Variants in ADCY5 observed in about 807,000 individuals in gnomAD.
The protein encoded by ADCY5 is adenylate cyclase type 5.
In ADCY5, 30 loss-of-function variants were observed where a neutral mutation model predicts 119.7. The observed-to-expected ratio is 0.25, with a 90% confidence interval of 0.19 to 0.34. The LOEUF is 0.34. ADCY5 is among the 10% of genes least tolerant of loss of function. The pLI is 1.00. For missense variants in ADCY5, 1,324 were observed against 1,775.2 expected, an observed-to-expected ratio of 0.75 and a Z score of 4.57; for synonymous variants, 753 against 762.2, an observed-to-expected ratio of 0.99 and a Z score of 0.20.
At chr3:123,344,319 T>A (rs533657504) in intron 3 of ADCY5, among the ~76,000 whole-genome samples, 1 of 152,192 alleles carries the variant, frequency 6.6e-6, no homozygotes, top group Non-Finnish European at 1.5e-5. Flanking sequence ...TCACCCTCCA[T>A]TCGCCAACTA....
At chr3:123,433,207 G>A (rs1263898216) in intron 1 of ADCY5, among the ~76,000 whole-genome samples, 2 of 152,230 alleles carry the variant, frequency 1.3e-5, no homozygotes, top group Non-Finnish European at 1.5e-5. Context: ...ACAAAGGCAG[G>A]CAGGGCCCCA....
At chr3:123,430,963 C>T (rs1559876590) in intron 1 of ADCY5, among the ~76,000 whole-genome samples, 1 of 152,154 alleles carries the variant, frequency 6.6e-6, no homozygotes, top group Non-Finnish European at 1.5e-5. Flanking sequence ...GGGTACAAGC[C>T]CCATCCTTTC....
intron 1 of ADCY5, among the ~76,000 whole-genome samples, chr3:123,430,390 T>C (rs1367784354): frequency 6.6e-6 from 1 of 151,950 alleles, no homozygotes; most frequent in East Asian, 1.9e-4. Flanking sequence ...CACCCCAGGA[T>C]GGAAGCAGAG....
chr3:123,436,830 GGCC>G (rs1482831248), intron 1 of ADCY5, among the ~76,000 whole-genome samples: 41 of 152,276 alleles, frequency 2.7e-4, no homozygotes, highest in African/African-American at 9.1e-4. Flanking sequence ...GGAAGAGAGA[GGCC>G]CAAGGCAGGG....
chr3:123,444,704 A>C (rs561757820), intron 1 of ADCY5, among the ~76,000 whole-genome samples: 1 of 152,210 alleles, frequency 6.6e-6, no homozygotes, highest in African/African-American at 2.4e-5. Flanking sequence ...GATGTTGAGG[A>C]CCTGAGTAAA....
intron 1 of ADCY5, among the ~76,000 whole-genome samples, chr3:123,383,949 G>A (rs1458605643): frequency 6.1e-5 from 8 of 131,770 alleles, no homozygotes; most frequent in African/African-American, 2.2e-4. Context: ...ACACCCTTCT[G>A]CAAGGCACGT....
Position 123,373,811 on chromosome 3 carries a change from C to T in ADCY5, c.1135-21230G>A, listed in dbSNP as rs531979068. On this transcript the variant is annotated intron_variant, in intron 1 of 20. Coordinates refer to ENST00000462833, the MANE Select transcript of ADCY5 (RefSeq NM_183357.3). ...TAGCAGAGGATCAGGACTGGCGAAGCATAGGCTCTGGGCTGGAGCTTTACT... is the reference window on the plus strand; with the variant it reads ...TAGCAGAGGATCAGGACTGGCGAAGTATAGGCTCTGGGCTGGAGCTTTACT... 1.1e-4 allele frequency among the ~76,000 whole-genome samples: 15 copies of T among 133,440 alleles called. No homozygotes were observed. The East Asian group carries it at 3.8e-3, about 33-fold the overall frequency. The allele number at this position is 133,440 out of a possible 152,430, so 87.5% of individuals were successfully genotyped here.
intron 1 of ADCY5, chr3:123,367,879 A>T: frequency 2.0e-6 from 3 of 1,522,786 alleles, no homozygotes; most frequent in Non-Finnish European, 2.6e-6. Context: ...AGAGAAAATG[A>T]AACTGCCACC....
chr3:123,337,248 G>A (rs999385698), intron 3 of ADCY5, among the ~76,000 whole-genome samples: 1 of 152,032 alleles, frequency 6.6e-6, no homozygotes, highest in Non-Finnish European at 1.5e-5. Context: ...CTTGATTCAC[G>A]GCTACGACCC....
chr3:123,435,154 G>A (rs951297254), intron 1 of ADCY5, among the ~76,000 whole-genome samples: 5 of 152,090 alleles, frequency 3.3e-5, no homozygotes, highest in African/African-American at 7.2e-5. Flanking sequence ...GCCTGGTGGC[G>A]CATGCCTATA....
chr3:123,342,182 G>T (rs1462047521), intron 3 of ADCY5, among the ~76,000 whole-genome samples: 1 of 152,162 alleles, frequency 6.6e-6, no homozygotes, highest in Non-Finnish European at 1.5e-5. Flanking sequence ...CTGAGGGTGT[G>T]AGTGGAAGGT....
chr3:123,368,869 A>G (rs746477587), intron 1 of ADCY5, among the ~76,000 whole-genome samples: 1 of 152,208 alleles, frequency 6.6e-6, no homozygotes, highest in Non-Finnish European at 1.5e-5. Context: ...TTAAATGAAT[A>G]CATGGATGAA....
At chr3:123,348,610 CA>C (rs536147971) in intron 2 of ADCY5, among the ~76,000 whole-genome samples, 142 of 152,236 alleles carry the variant, frequency 9.3e-4, no homozygotes, top group African/African-American at 3.2e-3. Flanking sequence ...AGTGGGAAAG[CA>C]AACTGACTCA....
chr3:123,304,665 C>T (rs1490346569), intron 12 of ADCY5, among the ~76,000 whole-genome samples: 7 of 151,938 alleles, frequency 4.6e-5, no homozygotes, highest in Non-Finnish European at 1.0e-4. Flanking sequence ...GAGGGACTGA[C>T]CAGCGAGGAG....
In ADCY5 at chr3:123,303,174, G is replaced by T. The variant is rs1939949515; in HGVS notation, c.2605C>A (p.His869Asn). Residue 869 changes from histidine (H) to asparagine (N), a missense_variant, in exon 14 of 21, where the codon CAC (histidine) becomes AAC (asparagine). His to Asn is a moderately conservative substitution (Grantham distance 68). This residue lies in a region of ADCY5 where 424 missense variants were observed against 546.8 expected (regional missense o/e 0.78). Transcript: ENST00000462833. The part of the protein sequence containing the change: ...RDLLGCLAQE[H>N]NISASQVNAC... ...TTGACCTGGCTCGCGCTGATGTTGT[G>T]CTCCTGTGCCAAGCAGCCCAGCAGG... 6.2e-7 allele frequency: 1 copy of T among 1,613,752 alleles called. No homozygotes were observed. Among genetic ancestry groups the T allele is most frequent in the African/African-American group, 1.3e-5 (1 of 74,932 alleles).
chr3:123,366,858 G>A (rs569340741), intron 1 of ADCY5, among the ~76,000 whole-genome samples: 1 of 152,278 alleles, frequency 6.6e-6, no homozygotes, highest in East Asian at 1.9e-4. Flanking sequence ...GAGGCAGTGG[G>A]TGATGGCCAA....
intron 1 of ADCY5, among the ~76,000 whole-genome samples, chr3:123,430,647 A>C: frequency 6.6e-6 from 1 of 152,218 alleles, no homozygotes; most frequent in East Asian, 1.9e-4. Context: ...ATCCAAAATT[A>C]ACTCTCCCCA....
In ADCY5 at chr3:123,352,134, G is replaced by A. The variant is rs1942857523; in HGVS notation, c.1284+298C>T. Among the ~76,000 whole-genome samples, 1 of 152,166 alleles carries A rather than the reference G, an allele frequency of 6.6e-6. No homozygotes were observed. Among genetic ancestry groups the A allele is most frequent in the Non-Finnish European group, 1.5e-5 (1 of 68,026 alleles). ...GGTGAGCAGTGTGGGGAAGGAGTGGGGGCCGTGTGGGGAGGGAGAGAGGGA... is the reference window on the plus strand; with the variant it reads ...GGTGAGCAGTGTGGGGAAGGAGTGGAGGCCGTGTGGGGAGGGAGAGAGGGA... On this transcript the variant is annotated intron_variant, in intron 2 of 20. Coordinates refer to ENST00000462833, the MANE Select transcript of ADCY5 (RefSeq NM_183357.3). The surrounding 1 kb of genome is among the most constrained non-coding windows in gnomAD (Gnocchi z 4.8).
At chr3:123,393,171 C>A (rs1418747654) in intron 1 of ADCY5, among the ~76,000 whole-genome samples, 2 of 152,202 alleles carry the variant, frequency 1.3e-5, no homozygotes, top group Non-Finnish European at 2.9e-5. Context: ...GAGAGTGAGG[C>A]AGGCCTTGGT....
Sources: allele counts gnomAD v4.1 joint callset (sites outside exome capture counted in the v4.1 genomes callset), GRCh38; gene constraint gnomAD v4.1.1; regional missense constraint gnomAD v4.1.1; non-coding constraint Gnocchi (gnomAD v3.1); transcripts MANE v1.5; gene names NCBI Gene and HGNC (gene_info 2026-07-23, HGNC 2026-07-21).